Variants in FOXP1 observed in about 807,000 individuals in gnomAD.
The protein encoded by FOXP1 is forkhead box protein P1.
FOXP1 carries 15 observed loss-of-function variants against 98.2 expected under a neutral mutation model. The ratio of observed to expected loss-of-function variants is 0.15; its 90% CI spans 0.10 to 0.24. The LOEUF (loss-of-function observed/expected upper bound fraction) is 0.24, where lower values mean the gene tolerates loss of function less well. Ranked by LOEUF, FOXP1 falls within the 10% of genes least tolerant of loss-of-function variation. The probability of loss-of-function intolerance (pLI) is 1.00; values close to 1 mark genes in which losing one functional copy is unlikely to be tolerated. For synonymous variants in FOXP1, 371 were observed against 314.5 expected (o/e 1.18, Z -1.90); for missense variants, 633 against 848.5 (o/e 0.75, Z 3.15).
chr3:71,349,213 T>C (rs2077605179), intron 4 of FOXP1, among the ~76,000 whole-genome samples: 1 of 152,252 alleles, frequency 6.6e-6, no homozygotes, highest in Non-Finnish European at 1.5e-5. Context: ...ATTTTATGTA[T>C]ATTCCTAGTG....
chr3:71,512,040 T>G (rs1219880574), intron 2 of FOXP1, among the ~76,000 whole-genome samples: 1 of 152,170 alleles, frequency 6.6e-6, no homozygotes, highest in Admixed American at 6.5e-5. Context: ...GCCCTTGACA[T>G]AGATTTTCCC....
At chr3:71,512,586 G>A (rs1258736016) in intron 2 of FOXP1, among the ~76,000 whole-genome samples, 1 of 152,180 alleles carries the variant, frequency 6.6e-6, no homozygotes, top group East Asian at 1.9e-4. Flanking sequence ...TTTCTACAAT[G>A]CAATCCAACT....
chr3:71,223,138 C>CCCAAG (rs1258434840), intron 5 of FOXP1, among the ~76,000 whole-genome samples: 1 of 152,110 alleles, frequency 6.6e-6, no homozygotes, highest in Non-Finnish European at 1.5e-5. Context: ...AGGAAAGCTC[C>CCCAAG]CCAAGCTCCC....
At chr3:71,259,257 C>T (rs1295498287) in intron 5 of FOXP1, among the ~76,000 whole-genome samples, 1 of 152,226 alleles carries the variant, frequency 6.6e-6, no homozygotes, top group Admixed American at 6.5e-5. Flanking sequence ...GCTTAAAGCA[C>T]AGACAAGCTA....
intron 7 of FOXP1, among the ~76,000 whole-genome samples, chr3:71,067,305 T>C (rs562441091): frequency 8.6e-4 from 131 of 152,356 alleles, no homozygotes; most frequent in South Asian, 8.3e-3. Context: ...TAAACTCCTG[T>C]GGTCCTGTGT....
At chr3:71,559,305 A>C (rs1220686878) in intron 2 of FOXP1, among the ~76,000 whole-genome samples, 3 of 152,250 alleles carry the variant, frequency 2.0e-5, no homozygotes, top group Non-Finnish European at 4.4e-5. Context: ...AATTTCTGTA[A>C]CATGGGAATG....
chr3:71,159,734 CA>C (rs2061038690), intron 6 of FOXP1, among the ~76,000 whole-genome samples: 1 of 152,058 alleles, frequency 6.6e-6, no homozygotes, highest in Non-Finnish European at 1.5e-5. Context: ...TCCTACCTTA[CA>C]AGAGGTTTAA....
chr3:71,174,404 C>A lies in FOXP1; in HGVS notation c.180+23798G>T, dbSNP rs142470549. On this transcript the variant is annotated intron_variant, in intron 6 of 20. Transcript: ENST00000649528. The stretch of plus-strand genomic sequence containing the variant: ...CCACTGCACTCCAGCCTGGGCAACA[C>A]GGCAAGATCCTGTCTCAAAAACAAA... Among the ~76,000 whole-genome samples, 6 of 152,142 alleles carry A rather than the reference C, an allele frequency of 3.9e-5. No individual in the cohort carries two copies. In the East Asian group the frequency reaches 1.2e-3, roughly 29 times the overall value.
At chr3:71,170,002 C>T (rs1024091490) in intron 6 of FOXP1, among the ~76,000 whole-genome samples, 3 of 151,994 alleles carry the variant, frequency 2.0e-5, no homozygotes, top group Non-Finnish European at 4.4e-5. Flanking sequence ...CGAGATAGGC[C>T]CCATTTCCAA....
intron 2 of FOXP1, among the ~76,000 whole-genome samples, chr3:71,563,448 C>T (rs2046688118): frequency 6.6e-6 from 1 of 152,188 alleles, no homozygotes; most frequent in African/African-American, 2.4e-5. Flanking sequence ...ACCTTACCTA[C>T]CGCAAAGGCA....
intron 2 of FOXP1, among the ~76,000 whole-genome samples, chr3:71,509,397 G>T (rs1359497403): frequency 6.6e-6 from 1 of 152,160 alleles, no homozygotes; most frequent in Non-Finnish European, 1.5e-5. Flanking sequence ...GTTTTTGTTA[G>T]AATCTCCTCT....
At chr3:71,372,143 G>T (rs2107990538) in intron 3 of FOXP1, among the ~76,000 whole-genome samples, 1 of 151,126 alleles carries the variant, frequency 6.6e-6, no homozygotes, top group Non-Finnish European at 1.5e-5. Flanking sequence ...CTCCCAATTA[G>T]CTGGGATTAC....
At chr3:71,295,189 C>T (rs919087303) in intron 5 of FOXP1, among the ~76,000 whole-genome samples, 3 of 152,144 alleles carry the variant, frequency 2.0e-5, no homozygotes, top group South Asian at 2.1e-4. Flanking sequence ...AACTCAGTAA[C>T]GACTGCTTCC....
intron 4 of FOXP1, among the ~76,000 whole-genome samples, chr3:71,355,053 A>G (rs2078058687): frequency 6.6e-6 from 1 of 152,198 alleles, no homozygotes; most frequent in Non-Finnish European, 1.5e-5. Context: ...TCCGGATGGG[A>G]CACGCAGAGT....
rs576720632 is a variant in FOXP1 at position 71,581,636 on chromosome 3, G to T, written c.-385C>A. Reference sequence around the variant, plus strand: ...CACCATGGTCCCCGGCGCCGCTGCCGCTGCCCCCGGCCCGCTCGCTCGCTC... The same window carrying T: ...CACCATGGTCCCCGGCGCCGCTGCCTCTGCCCCCGGCCCGCTCGCTCGCTC... On this transcript the variant is annotated 5_prime_UTR_variant, in exon 2 of 21. Transcript: ENST00000649528. The T allele has an allele frequency of 2.0e-6, 2 of 985,852 alleles. No homozygotes were observed. The highest frequency in any genetic ancestry group is 2.4e-6 in the Non-Finnish European group (2 of 830,088). The allele number at this position is 985,852 out of a possible 1,614,324, so 61.1% of individuals were successfully genotyped here. A position where few individuals can be genotyped will look rare whatever the true frequency, so the allele number is the denominator to read the frequency against.
chr3:71,050,416 A>T (rs1282859044), intron 9 of FOXP1, among the ~76,000 whole-genome samples: 2 of 152,232 alleles, frequency 1.3e-5, no homozygotes, highest in African/African-American at 2.4e-5. Context: ...GATAAGAATG[A>T]CAGTGGCAGC....
chr3:71,024,211 G>A (rs1015102803), intron 11 of FOXP1, among the ~76,000 whole-genome samples: 3 of 152,248 alleles, frequency 2.0e-5, no homozygotes, highest in South Asian at 2.1e-4. Flanking sequence ...TGCAAGGGCC[G>A]CATGCGTTTC....
intron 5 of FOXP1, among the ~76,000 whole-genome samples, chr3:71,239,834 G>T (rs769235824): frequency 5.9e-5 from 9 of 152,340 alleles, no homozygotes; most frequent in Non-Finnish European, 8.8e-5. Flanking sequence ...GATTTCCAAA[G>T]TTGGACGAAA....
intron 12 of FOXP1, among the ~76,000 whole-genome samples, chr3:71,005,337 A>AC (rs1259730227): frequency 6.7e-6 from 1 of 149,402 alleles, no homozygotes; most frequent in African/African-American, 2.5e-5. Context: ...AAAAAAAAAA[A>AC]AAAACCAGAA....
Sources: gnomAD v4.1 joint callset for allele counts (sites outside exome capture counted in the v4.1 genomes callset) on GRCh38, gnomAD v4.1.1 for gene constraint, MANE v1.5 for transcripts, NCBI Gene and HGNC (gene_info 2026-07-23, HGNC 2026-07-21) for gene names.